TP63: variants seen among roughly 807,000 people sequenced by gnomAD.
TP63 encodes tumor protein 63.
Under a neutral mutation model 82.8 loss-of-function variants are expected in TP63, and 17 were observed. The observed-to-expected ratio is 0.21, with a 90% CI of 0.14 to 0.31. TP63 has a LOEUF of 0.31. Ranked by LOEUF, TP63 falls within the 10% of genes least tolerant of loss-of-function variation. The pLI, the probability that TP63 is intolerant of heterozygous loss-of-function variation, is 1.00. For missense variants in TP63, 648 were observed against 895.3 expected (o/e 0.72, Z 3.52); for synonymous variants, 330 against 321.7 (o/e 1.03, Z -0.28).
chr3:189,771,008 A>G (rs1274556330), intron 3 of TP63, among the ~76,000 whole-genome samples: 1 of 152,058 alleles, frequency 6.6e-6, no homozygotes, highest in Non-Finnish European at 1.5e-5. Flanking sequence ...CAGGCAATGT[A>G]TATCTACTAC....
intron 2 of TP63, 37 bp from the exon 3 acceptor site, chr3:189,738,605 C>T (rs932768034): frequency 6.2e-7 from 1 of 1,613,998 alleles, no homozygotes; most frequent in Non-Finnish European, 8.5e-7. Flanking sequence ...TAGTCCCTTT[C>T]CATGCCTAAC....
rs1340046098 is a variant in TP63, at chr3:189,677,215, T to TGTGC, written c.62+45638_62+45639insGTGC. Among the ~76,000 whole-genome samples the TGTGC allele has an allele frequency of 1.5e-3, 226 of 151,154 alleles. 1 individual carries two copies. The highest frequency in any genetic ancestry group is 5.1e-3 in the African/African-American group (212 of 41,274). ...GTGTGTGTTTGTGTGTGTGTGTGTG[T>TGTGC]ATACATATTGCATGTTTATATATGT... On this transcript the variant is annotated intron_variant, in intron 1 of 13. Transcript: ENST00000264731.
chr3:189,875,609 T>TATATATATATATATATATACAC (rs1719011810), intron 10 of TP63, among the ~76,000 whole-genome samples: 7 of 62,994 alleles, frequency 1.1e-4, no homozygotes, highest in Admixed American at 3.1e-4. Context: ...TATATATATA[T>TATATATATATATATATATACAC]ATATATATAT....
intron 3 of TP63, among the ~76,000 whole-genome samples, chr3:189,749,452 C>G (rs1721631585): frequency 6.6e-6 from 1 of 152,114 alleles, no homozygotes; most frequent in African/African-American, 2.4e-5. Context: ...GTCAGCATCA[C>G]TAATCATCAG....
At chr3:189,689,130 T>TTTTTTTTTG in intron 1 of TP63, among the ~76,000 whole-genome samples, 1 of 111,838 alleles carries the variant, frequency 8.9e-6, no homozygotes, top group Non-Finnish European at 1.7e-5. Context: ...TTTTTTTTTT[T>TTTTTTTTTG]TTTTGAGACG....
At chr3:189,800,224 T>A (rs942636667) in intron 3 of TP63, among the ~76,000 whole-genome samples, 4 of 151,944 alleles carry the variant, frequency 2.6e-5, no homozygotes, top group African/African-American at 9.7e-5. Flanking sequence ...AGTTAGCCTT[T>A]AAAAAAATGA....
chr3:189,743,151 C>T (rs1721124904), intron 3 of TP63, among the ~76,000 whole-genome samples: 1 of 151,708 alleles, frequency 6.6e-6, no homozygotes, highest in Non-Finnish European at 1.5e-5. Flanking sequence ...ATAAATTTCC[C>T]CAATTGGAAA....
At chr3:189,828,731 C>T (rs1304745459) in intron 4 of TP63, among the ~76,000 whole-genome samples, 1 of 152,208 alleles carries the variant, frequency 6.6e-6, no homozygotes, top group African/African-American at 2.4e-5. Flanking sequence ...CGTTTTGCTG[C>T]TTTGAGCTTC....
In TP63 at chr3:189,894,197, G is replaced by C. The variant is rs2108872802; in HGVS notation, c.1747-9G>C. The C allele has an allele frequency of 6.2e-7, 1 of 1,614,098 alleles. No individual in the cohort carries two copies. The highest frequency in any genetic ancestry group is 8.5e-7 in the Non-Finnish European group (1 of 1,180,004). On this transcript the variant is annotated splice_polypyrimidine_tract_variant and intron_variant, in intron 13 of 13. Transcript: ENST00000264731. ...TTCATTCTCCATGACACCTTCCCCT[G>C]TTGCACAGGATCTGGCAAGTCTGAA... is the stretch of plus-strand genomic sequence containing the variant.
chr3:189,738,273 C>T (rs1720741115), intron 2 of TP63, among the ~76,000 whole-genome samples: 1 of 152,086 alleles, frequency 6.6e-6, no homozygotes, highest in Non-Finnish European at 1.5e-5. Flanking sequence ...TTTATTAAAA[C>T]AGGTTTGGAT....
chr3:189,721,472 CTTT>C (rs796875515), intron 1 of TP63, among the ~76,000 whole-genome samples: 1 of 143,852 alleles, frequency 7.0e-6, no homozygotes, highest in Non-Finnish European at 1.5e-5. Flanking sequence ...CTATCAGGTG[CTTT>C]TTTTTTTTTC....
At chr3:189,719,771 TCTC>T (rs1422803959) in intron 1 of TP63, among the ~76,000 whole-genome samples, 1 of 152,188 alleles carries the variant, frequency 6.6e-6, no homozygotes, top group African/African-American at 2.4e-5. Flanking sequence ...TTGAGCCAGA[TCTC>T]CTTCGTGAGC....
chr3:189,883,001 G>A (rs1169402037), intron 10 of TP63, among the ~76,000 whole-genome samples: 7 of 152,122 alleles, frequency 4.6e-5, no homozygotes, highest in Non-Finnish European at 8.8e-5. Flanking sequence ...TACACCTTAC[G>A]ATTTTTTTCT....
At chr3:189,889,879 G>A (rs1174190664) in intron 12 of TP63, among the ~76,000 whole-genome samples, 1 of 152,092 alleles carries the variant, frequency 6.6e-6, no homozygotes, top group Admixed American at 6.5e-5. Context: ...ATAGCTCTCA[G>A]CCACCATGGG....
intron 1 of TP63, among the ~76,000 whole-genome samples, chr3:189,669,123 C>G (rs528025875): frequency 2.0e-5 from 3 of 151,320 alleles, no homozygotes; most frequent in African/African-American, 7.3e-5. Context: ...AAAATGGACA[C>G]CAAAAGATAA....
At chr3:189,672,643 AGG>A (rs1714999087) in intron 1 of TP63, among the ~76,000 whole-genome samples, 1 of 126,820 alleles carries the variant, frequency 7.9e-6, no homozygotes, top group Non-Finnish European at 1.7e-5. Context: ...GAAGGGAGGG[AGG>A]GAGGGAGGAA....
At position 189,650,849 on chromosome 3, in the gene TP63, G is replaced by A. The variant is rs1220165314; in HGVS notation, c.62+19272G>A. Reference sequence around the variant, plus strand: ...CAGGCAGAGGCTGGAACAGTTTGGAGGACTCAGACGAAGACAGGAAAATGG... The same window carrying A: ...CAGGCAGAGGCTGGAACAGTTTGGAAGACTCAGACGAAGACAGGAAAATGG... On this transcript the variant is annotated intron_variant, in intron 1 of 13. Transcript: ENST00000264731. Among the ~76,000 whole-genome samples the A allele has an allele frequency of 3.4e-5, 5 of 147,044 alleles. 1 individual carries two copies. In the East Asian group the frequency reaches 1.2e-3, roughly 35 times the overall value.
At chr3:189,834,675 T>C (rs1169210553) in intron 4 of TP63, among the ~76,000 whole-genome samples, 1 of 152,236 alleles carries the variant, frequency 6.6e-6, no homozygotes, top group Non-Finnish European at 1.5e-5. Flanking sequence ...CTTTCATCTG[T>C]CTGGTGATTA....
intron 3 of TP63, among the ~76,000 whole-genome samples, chr3:189,791,361 G>A (rs926634085): frequency 6.6e-6 from 1 of 152,074 alleles, no homozygotes; most frequent in African/African-American, 2.4e-5. Flanking sequence ...TTAATTTTAG[G>A]TTAAATATAA....
Sources: allele counts gnomAD v4.1 joint callset (sites outside exome capture counted in the v4.1 genomes callset), GRCh38; gene constraint gnomAD v4.1.1; transcripts MANE v1.5; gene names NCBI Gene and HGNC (gene_info 2026-07-23, HGNC 2026-07-21).